VWA8: variants seen among roughly 807,000 people sequenced by gnomAD.
VWA8 encodes von Willebrand factor A domain-containing protein 8.
VWA8 carries 221 observed loss-of-function variants against 241.5 expected under a neutral mutation model. The observed-to-expected ratio is 0.91, with a 90% CI of 0.82 to 1.02. The LOEUF is 1.02. VWA8 is among the 50% of genes least tolerant of loss of function. VWA8 has a pLI of 0.00. For synonymous variants in VWA8, 852 were observed against 827.1 expected (o/e 1.03, Z -0.52); for missense variants, 2,322 against 2,328.7 (o/e 1.00, Z 0.06).
chr13:41,685,155 T>C lies in VWA8; in HGVS notation c.4219A>G (p.Lys1407Glu). The C allele has an allele frequency of 1.2e-6, 2 of 1,613,624 alleles. No homozygotes were observed. The highest frequency in any genetic ancestry group is 1.3e-5 in the African/African-American group (1 of 75,006). The change falls in exon 35 of 45, where the codon AAA (lysine) becomes GAA (glutamate). Residue 1407 changes from lysine to glutamate, a missense_variant. Transcript: ENST00000379310. ...TDTSFYRGKKKRGTPKQSNCV... is the reference protein window; with the variant it reads ...TDTSFYRGKKERGTPKQSNCV... ...TTGCTTTGTTTTGGAGTCCCCCTTTTCTTCTTTCCTCTATAGAATGATGTA... is the reference window on the plus strand; with the variant it reads ...TTGCTTTGTTTTGGAGTCCCCCTTTCCTTCTTTCCTCTATAGAATGATGTA...
chr13:41,893,307 A>G (rs1383524221), intron 4 of VWA8, among the ~76,000 whole-genome samples: 1 of 152,182 alleles, frequency 6.6e-6, no homozygotes, highest in Non-Finnish European at 1.5e-5. Flanking sequence ...TGTCTACATA[A>G]TGTTGTAAAA....
At chr13:41,867,089 G>T (rs897711131) in intron 10 of VWA8, among the ~76,000 whole-genome samples, 3 of 152,168 alleles carry the variant, frequency 2.0e-5, no homozygotes, top group Admixed American at 2.0e-4. Flanking sequence ...AAGCTAACTG[G>T]AAGAGACTAG....
At position 41,721,537 on chromosome 13, in the gene VWA8, G is replaced by A; in HGVS notation, c.2797C>T (p.Pro933Ser). Residue 933 changes from proline to serine, a missense_variant, in exon 25 of 45, where the codon CCC becomes TCC. Physicochemically the swap from Pro to Ser is moderately conservative, Grantham distance 74 (BLOSUM62 -1). Transcript: ENST00000379310. ...CTGAGCATCTCGAGCTCCGAGTGGG[G>A]TTTGGGGTTATCAACTGCATGGCAG... Reference protein sequence around the residue: ...FSCHAVDNPKPHSELEMLRQY... With the variant: ...FSCHAVDNPKSHSELEMLRQY... The A allele has an allele frequency of 1.2e-6, 2 of 1,613,724 alleles. No individual in the cohort carries two copies. The highest frequency in any genetic ancestry group is 1.1e-5 in the South Asian group (1 of 91,064).
intron 20 of VWA8, 71 bp from the exon 21 acceptor site, chr13:41,761,275 G>A: frequency 6.8e-7 from 1 of 1,466,754 alleles, no homozygotes; most frequent in Non-Finnish European, 9.4e-7. Context: ...CAAATCAGAA[G>A]AATCTTTTAC....
intron 12 of VWA8, 57 bp from the exon 13 acceptor site, chr13:41,833,588 G>T (rs1871579549): frequency 2.7e-6 from 4 of 1,502,284 alleles, no homozygotes; most frequent in Non-Finnish European, 3.6e-6. Context: ...TTTAAGACAT[G>T]CAAGGTAGCT....
chr13:41,918,527 A>G lies in VWA8; in HGVS notation c.242-6359T>C, dbSNP rs1347914946. On this transcript the variant is annotated intron_variant, in intron 2 of 44. Transcript: ENST00000379310. The stretch of plus-strand genomic sequence containing the variant: ...AGATTCCCCTGAAACTAATACTGTG[A>G]GAATTAACATGAATGAAAATAGGGG... Among the ~76,000 whole-genome samples the G allele has an allele frequency of 3.3e-5, 5 of 152,348 alleles. No individual in the cohort carries two copies. In the South Asian group the frequency reaches 6.2e-4, roughly 19 times the overall value.
Position 41,787,549 on chromosome 13 carries a change from G to T in VWA8, c.2064-6C>A. 3 of 1,594,300 alleles carry T rather than the reference G, an allele frequency of 1.9e-6. No homozygotes were observed. The highest frequency in any genetic ancestry group is 1.1e-5 in the South Asian group (1 of 90,658). On this transcript the variant is annotated splice_polypyrimidine_tract_variant and splice_region_variant and intron_variant, in intron 17 of 44. Transcript: ENST00000379310. ...TAGCAAGACTGGGTAAAAACCTGGA[G>T]GATGAAGAGGGAGGAAGGGGGAAAT...
intron 4 of VWA8, among the ~76,000 whole-genome samples, chr13:41,900,643 C>G (rs1189233305): frequency 6.6e-6 from 1 of 152,000 alleles, no homozygotes; most frequent in Non-Finnish European, 1.5e-5. Context: ...AGAATATCCT[C>G]AAGGGGTATT....
In VWA8 at chr13:41,956,075, C is replaced by T. The variant is rs149657686; in HGVS notation, c.163+4778G>A. ...GTGAGTCTAAAGTTTCTAACAGTAG[C>T]TTTGACAAAGAAGTTGGTTTCATGA... On this transcript the variant is annotated intron_variant, in intron 1 of 44. Coordinates refer to ENST00000379310, the MANE Select transcript of VWA8 (RefSeq NM_015058.2). Among the ~76,000 whole-genome samples, 725 of 152,286 alleles carry T rather than the reference C, an allele frequency of 4.8e-3. 4 individuals carry two copies. Among genetic ancestry groups the T allele is most frequent in the African/African-American group, 0.017 (697 of 41,544 alleles).
At position 41,719,625 on chromosome 13, in the gene VWA8, C is replaced by T. The variant is rs148181998; in HGVS notation, c.3082G>A (p.Gly1028Arg). The T allele has an allele frequency of 5.8e-5, 94 of 1,613,018 alleles. No homozygotes were observed. The highest frequency in any genetic ancestry group is 4.4e-4 in the African/African-American group (33 of 74,926). The change falls in exon 26 of 45, where the codon GGA (glycine) becomes AGA (arginine). Residue 1028 changes from glycine to arginine, a missense_variant. By Grantham distance (125) the Gly-to-Arg change is moderately radical. Transcript: ENST00000379310. ...AGCTGCACACTGGTAGGCTTTGCTC[C>T]GATAGGTATCCCGTATTTGTGTAAA... Reference protein sequence around the residue: ...NTLHKYGIPIGAKPTSVQLAK... With the variant: ...NTLHKYGIPIRAKPTSVQLAK...
chr13:41,586,076 A>C (rs1017667379), intron 42 of VWA8, among the ~76,000 whole-genome samples: 1 of 151,966 alleles, frequency 6.6e-6, no homozygotes, highest in Non-Finnish European at 1.5e-5. Flanking sequence ...TCAATGGTCC[A>C]AGTGATTTAA....
At chr13:41,727,640 T>A (rs1346709648) in intron 23 of VWA8, among the ~76,000 whole-genome samples, 5 of 152,026 alleles carry the variant, frequency 3.3e-5, no homozygotes, top group Non-Finnish European at 7.4e-5. Flanking sequence ...CTTAAAAAAA[T>A]TAAAAATAGA....
intron 42 of VWA8, among the ~76,000 whole-genome samples, chr13:41,585,863 TA>T (rs5803094): frequency 0.19 from 19,419 of 102,426 alleles, 1,373 homozygotes; most frequent in Middle Eastern, 0.34. Context: ...GACACCGTCT[TA>T]AAAAAAAAAA....
intron 18 of VWA8, among the ~76,000 whole-genome samples, chr13:41,786,172 C>A (rs1273555681): frequency 1.3e-5 from 2 of 152,104 alleles, no homozygotes; most frequent in African/African-American, 4.8e-5. Context: ...AAGGGCAAAT[C>A]TAACTTTCAG....
At chr13:41,772,591 C>T (rs1042567415) in intron 20 of VWA8, among the ~76,000 whole-genome samples, 1 of 152,040 alleles carries the variant, frequency 6.6e-6, no homozygotes, top group Non-Finnish European at 1.5e-5. Context: ...CCCTAAGTGA[C>T]CCTCAAACAT....
chr13:41,957,945 C>G (rs778365232), intron 1 of VWA8, among the ~76,000 whole-genome samples: 1 of 152,144 alleles, frequency 6.6e-6, no homozygotes, highest in African/African-American at 2.4e-5. Flanking sequence ...ACATCAGAGT[C>G]CCACTGAAAC....
In VWA8 at chr13:41,912,127, A is replaced by G. The variant is rs768048457; in HGVS notation, c.283T>C (p.Trp95Arg). ...CCCAAAAGATCCTTCTGCATTATCC[A>G]TCTTAGATGCTGAACTACAGATTGA... is the stretch of plus-strand genomic sequence containing the variant. ...LAQSVVQHLR[W>R]IMQKDLLGQD... The change falls in exon 3 of 45, where the codon TGG becomes CGG. Residue 95 changes from tryptophan to arginine, a missense_variant. By Grantham distance (101) the Trp-to-Arg change is moderately radical. Coordinates refer to ENST00000379310, the MANE Select transcript of VWA8 (RefSeq NM_015058.2). 6 of 1,609,086 alleles carry G rather than the reference A, an allele frequency of 3.7e-6. No individual in the cohort carries two copies. Among genetic ancestry groups the G allele is most frequent in the East Asian group, 2.2e-5 (1 of 44,744 alleles).
intron 17 of VWA8, among the ~76,000 whole-genome samples, chr13:41,792,159 T>C (rs1869488962): frequency 1.3e-5 from 2 of 151,970 alleles, no homozygotes; most frequent in South Asian, 2.1e-4. Flanking sequence ...TAAATATCTA[T>C]TCATTCTTTG....
chr13:41,960,801 C>T, intron 1 of VWA8, 52 bp downstream of exon 1: 1 of 1,478,918 alleles, frequency 6.8e-7, no homozygotes, highest in Non-Finnish European at 8.9e-7. Flanking sequence ...GCGCGGGGAC[C>T]CGGCACGGAG....
Sources: allele counts gnomAD v4.1 joint callset (sites outside exome capture counted in the v4.1 genomes callset), GRCh38; gene constraint gnomAD v4.1.1; transcripts MANE v1.5; gene names NCBI Gene and HGNC (gene_info 2026-07-23, HGNC 2026-07-21).